EPS15L1: variants seen among roughly 807,000 people sequenced by gnomAD.
EPS15L1 encodes epidermal growth factor receptor pathway substrate 15 like 1, also known as epidermal growth factor receptor substrate 15-like 1.
A neutral mutation model predicts 117.1 loss-of-function variants in EPS15L1; 43 were observed. The observed-to-expected ratio is 0.37, with a 90% confidence interval of 0.29 to 0.47. The LOEUF is 0.47. Among genes scored for constraint, EPS15L1 ranks in the 20% least tolerant of loss-of-function variants. The probability of loss-of-function intolerance (pLI) is 0.99; values close to 1 mark genes in which losing one functional copy is unlikely to be tolerated. For missense variants in EPS15L1, 981 were observed against 1,164.0 expected, an observed-to-expected ratio of 0.84 and a Z score of 2.29; for synonymous variants, 459 against 470.5, an observed-to-expected ratio of 0.98 and a Z score of 0.32.
At chr19:16,433,968 T>A (rs1320415591) in intron 7 of EPS15L1, among the ~76,000 whole-genome samples, 6 of 146,710 alleles carry the variant, frequency 4.1e-5, no homozygotes, top group Admixed American at 1.3e-4. Context: ...ATCTCATAAA[T>A]AAATAAATAA....
At position 16,355,585 on chromosome 19, in the gene EPS15L1, C is replaced by T. The variant is rs2091969586; in HGVS notation, c.*120G>A. On this transcript the variant is annotated 3_prime_UTR_variant, in exon 24 of 24. Transcript: ENST00000455140. The stretch of plus-strand genomic sequence containing the variant: ...GCCGAGTCTGCTCACCCTGAACAAG[C>T]CCCCGAGTCCCGGTCCTTGGAGTAC... 7.8e-6 allele frequency: 10 copies of T among 1,285,508 alleles called. No individual in the cohort carries two copies. The highest frequency in any genetic ancestry group is 4.5e-5 in the South Asian group (3 of 67,386). The allele number at this position is 1,285,508 out of a possible 1,614,324, so 79.6% of individuals were successfully genotyped here. A position where few individuals can be genotyped will look rare whatever the true frequency, so the allele number is the denominator to read the frequency against.
At chr19:16,440,667 A>G (rs548679912) in intron 4 of EPS15L1, 195 bp downstream of exon 4, 77 of 464,006 alleles carry the variant, frequency 1.7e-4, no homozygotes, top group African/African-American at 1.5e-3. Flanking sequence ...TAAAAGATAC[A>G]CTAGCCATGA....
rs1428263527 is a variant in EPS15L1 at position 16,434,345 on chromosome 19, C to T, written c.498+20G>A. ...GCAGGGACACTGAGTGCAGAAGAAC[C>T]AAGCCCGTGGCCCACTTACCCTGCC... On this transcript the variant is annotated intron_variant, in intron 7 of 23. Coordinates refer to ENST00000455140, the MANE Select transcript of EPS15L1 (RefSeq NM_001258374.3). 1 of 1,611,392 alleles carries T rather than the reference C, an allele frequency of 6.2e-7. No individual in the cohort carries two copies. Among genetic ancestry groups the T allele is most frequent in the Admixed American group, 1.7e-5 (1 of 59,374 alleles).
intron 22 of EPS15L1, among the ~76,000 whole-genome samples, chr19:16,364,296 T>C (rs949882150): frequency 2.6e-5 from 4 of 152,192 alleles, no homozygotes; most frequent in African/African-American, 9.6e-5. Flanking sequence ...CTGGAGACCC[T>C]TCCCTAGAGG....
At chr19:16,372,090 T>G (rs1379423711) in intron 22 of EPS15L1, among the ~76,000 whole-genome samples, 1 of 152,240 alleles carries the variant, frequency 6.6e-6, no homozygotes, top group Non-Finnish European at 1.5e-5. Flanking sequence ...GCTCCATGCA[T>G]GCCCCAGGAG....
chr19:16,359,984 C>T (rs1284599295), intron 23 of EPS15L1, among the ~76,000 whole-genome samples: 2 of 151,144 alleles, frequency 1.3e-5, no homozygotes, highest in Admixed American at 1.3e-4. Flanking sequence ...AAATGGCTGG[C>T]GCTATTTTAA....
At position 16,393,900 on chromosome 19, in the gene EPS15L1, G is replaced by T. The variant is rs764688883; in HGVS notation, c.1966+51C>A. 15 of 1,583,352 alleles carry T rather than the reference G, an allele frequency of 9.5e-6. No individual in the cohort carries two copies. The South Asian group carries it at 1.5e-4, about 16-fold the overall frequency. Reference sequence around the variant, plus strand: ...AAGTCCCACCACATGCGACTTCTGAGCCAGGACTGGACACAGTCTAAAGAC... The same window carrying T: ...AAGTCCCACCACATGCGACTTCTGATCCAGGACTGGACACAGTCTAAAGAC... On this transcript the variant is annotated intron_variant, in intron 18 of 23. Coordinates refer to ENST00000455140, the MANE Select transcript of EPS15L1 (RefSeq NM_001258374.3).
chr19:16,360,346 G>GT (rs1375477319), intron 23 of EPS15L1, among the ~76,000 whole-genome samples: 1 of 152,100 alleles, frequency 6.6e-6, no homozygotes, highest in African/African-American at 2.4e-5. Context: ...TATTAACAAT[G>GT]TCACCATTTT....
intron 7 of EPS15L1, among the ~76,000 whole-genome samples, chr19:16,433,863 T>A (rs2092952967): frequency 6.6e-6 from 1 of 151,962 alleles, no homozygotes; most frequent in Non-Finnish European, 1.5e-5. Flanking sequence ...CTTGGGAGGT[T>A]GAGGCATGAG....
intron 13 of EPS15L1, among the ~76,000 whole-genome samples, chr19:16,408,725 G>A (rs76683546): frequency 0.024 from 3,705 of 151,964 alleles, 122 homozygotes; most frequent in Admixed American, 0.087. Flanking sequence ...TGACAGAGAA[G>A]AAAAAGATGG....
intron 7 of EPS15L1, among the ~76,000 whole-genome samples, chr19:16,431,329 A>T (rs1555760446): frequency 6.7e-6 from 1 of 149,180 alleles, no homozygotes; most frequent in African/African-American, 2.5e-5. Flanking sequence ...TTTGAGACAG[A>T]GTCTCACTCT....
chr19:16,361,583 CTCTT>C (rs1441403090), intron 23 of EPS15L1, 192 bp downstream of exon 23: 2 of 1,323,908 alleles, frequency 1.5e-6, no homozygotes, highest in Non-Finnish European at 9.6e-7. Flanking sequence ...CAAACTGCGG[CTCTT>C]TTTTTTTTTA....
chr19:16,444,307 C>T (rs1432850343), intron 1 of EPS15L1, among the ~76,000 whole-genome samples: 1 of 152,022 alleles, frequency 6.6e-6, no homozygotes, highest in Non-Finnish European at 1.5e-5. Context: ...ATGGAAAAGA[C>T]ATAGGAGGTA....
At position 16,418,965 on chromosome 19, in the gene EPS15L1, G is replaced by A. The variant is rs1599616300; in HGVS notation, c.951-861C>T. Among the ~76,000 whole-genome samples the A allele has an allele frequency of 3.9e-5, 6 of 152,180 alleles. 1 individual carries two copies. The highest frequency in any genetic ancestry group is 3.9e-4 in the Admixed American group (6 of 15,274). On this transcript the variant is annotated intron_variant, in intron 10 of 23. Coordinates refer to ENST00000455140, the MANE Select transcript of EPS15L1 (RefSeq NM_001258374.3). ...GGCACTTTGTCACAGCAGCCCAATG[G>A]TCTAAAACACTCCTCTTGTGCCCAA...
At chr19:16,449,998 T>A (rs7253951) in intron 1 of EPS15L1, among the ~76,000 whole-genome samples, 1,776 of 150,390 alleles carry the variant, frequency 0.012, 34 homozygotes, top group African/African-American at 0.042. Flanking sequence ...AAGGAAGAGA[T>A]GGGCTGGGAG....
intron 1 of EPS15L1, among the ~76,000 whole-genome samples, chr19:16,466,398 T>C (rs2093305478): frequency 6.6e-6 from 1 of 152,138 alleles, no homozygotes; most frequent in Non-Finnish European, 1.5e-5. Flanking sequence ...GATCGGAACC[T>C]GCCCTGCTCT....
At chr19:16,367,719 C>T (rs1022311375) in intron 22 of EPS15L1, among the ~76,000 whole-genome samples, 4 of 140,088 alleles carry the variant, frequency 2.9e-5, no homozygotes, top group Admixed American at 7.6e-5. Flanking sequence ...GGAAGCCCTC[C>T]GCTTAAAAGC....
At chr19:16,448,547 A>AGG (rs56824066) in intron 1 of EPS15L1, among the ~76,000 whole-genome samples, 10,540 of 116,474 alleles carry the variant, frequency 0.09, 573 homozygotes, top group African/African-American at 0.13. Flanking sequence ...TTAAAAAAAA[A>AGG]GGGGGGGGGA....
Position 16,355,507 on chromosome 19 carries a change from CCAAGGCCTCTG to C in EPS15L1, c.*187_*197del. 1.6e-6 allele frequency: 1 copy of C among 639,408 alleles called. No individual in the cohort carries two copies. Among genetic ancestry groups the C allele is most frequent in the Non-Finnish European group, 2.6e-6 (1 of 387,392 alleles). The allele number at this position is 639,408 out of a possible 1,614,324, so 39.6% of individuals were successfully genotyped here. On this transcript the variant is annotated 3_prime_UTR_variant, in exon 24 of 24. Transcript: ENST00000455140. ...AGAGACGGACCTGCAGAAGTGGTGGCCAAGGCCTCTGTAAGGGCTTCCCCAGGAGATGTGAC... is the reference window on the plus strand; with the variant it reads ...AGAGACGGACCTGCAGAAGTGGTGGCTAAGGGCTTCCCCAGGAGATGTGAC...
Sources: allele counts gnomAD v4.1 joint callset (sites outside exome capture counted in the v4.1 genomes callset), GRCh38; gene constraint gnomAD v4.1.1; transcripts MANE v1.5; gene names NCBI Gene and HGNC (gene_info 2026-07-23, HGNC 2026-07-21).